CCSER1: variants seen among roughly 807,000 people sequenced by gnomAD.
CCSER1 encodes serine-rich coiled-coil domain-containing protein 1.
A neutral mutation model predicts 82.0 loss-of-function variants in CCSER1; 41 were observed. The observed-to-expected ratio is 0.50, with a 90% CI of 0.39 to 0.65. CCSER1 has a LOEUF of 0.65. Among genes scored for constraint, CCSER1 ranks in the 30% least tolerant of loss-of-function variants. The pLI is 0.00. For missense variants in CCSER1, 1,119 were observed against 1,064.2 expected (o/e 1.05, Z -0.72); for synonymous variants, 414 against 383.9 (o/e 1.08, Z -0.92).
chr4:91,142,603 C>A (rs1485585921), intron 10 of CCSER1, among the ~76,000 whole-genome samples: 2 of 152,134 alleles, frequency 1.3e-5, no homozygotes, highest in Non-Finnish European at 2.9e-5. Flanking sequence ...CAAGGTCCTG[C>A]TTTTAAATCT....
chr4:91,286,777 A>G (rs2149211765), intron 10 of CCSER1, among the ~76,000 whole-genome samples: 1 of 152,028 alleles, frequency 6.6e-6, no homozygotes, highest in Admixed American at 6.6e-5. Context: ...TGTGTTCTCT[A>G]GAAAAAAATA....
At chr4:90,278,666 G>A (rs1411465971) in intron 1 of CCSER1, among the ~76,000 whole-genome samples, 2 of 151,648 alleles carry the variant, frequency 1.3e-5, no homozygotes, top group Non-Finnish European at 2.9e-5. Flanking sequence ...AGACATTGAG[G>A]ACCACTAGAA....
At chr4:90,894,736 A>G (rs1247660238) in intron 8 of CCSER1, among the ~76,000 whole-genome samples, 4 of 151,592 alleles carry the variant, frequency 2.6e-5, no homozygotes, top group South Asian at 2.1e-4. Flanking sequence ...ACCATTTCTC[A>G]TACTTACAAG....
intron 5 of CCSER1, among the ~76,000 whole-genome samples, chr4:90,595,395 T>G (rs1783211589): frequency 2.0e-5 from 3 of 152,002 alleles, no homozygotes; most frequent in Admixed American, 2.0e-4. Flanking sequence ...GTTAAATCAC[T>G]CAGGCAAAAT....
intron 3 of CCSER1, among the ~76,000 whole-genome samples, chr4:90,338,222 A>C (rs1561054266): frequency 6.6e-6 from 1 of 152,118 alleles, no homozygotes; most frequent in Non-Finnish European, 1.5e-5. Context: ...CTTTCTACCT[A>C]TTCCTGAATG....
chr4:90,282,112 T>C (rs1728969607), intron 1 of CCSER1, among the ~76,000 whole-genome samples: 1 of 152,010 alleles, frequency 6.6e-6, no homozygotes, highest in Admixed American at 6.6e-5. Flanking sequence ...AAGAACCATA[T>C]GGTATCTTGG....
At chr4:91,015,158 A>G (rs1038883686) in intron 9 of CCSER1, among the ~76,000 whole-genome samples, 11 of 152,092 alleles carry the variant, frequency 7.2e-5, no homozygotes, top group African/African-American at 2.2e-4. Flanking sequence ...TGTGAGTATA[A>G]TAACATTGCA....
At chr4:91,423,754 C>T (rs942577424) in intron 10 of CCSER1, among the ~76,000 whole-genome samples, 1 of 152,044 alleles carries the variant, frequency 6.6e-6, no homozygotes, top group African/African-American at 2.4e-5. Context: ...CTGGTCATCT[C>T]CTTCAAAGAA....
At chr4:91,271,738 A>G (rs1222369655) in intron 10 of CCSER1, among the ~76,000 whole-genome samples, 1 of 151,884 alleles carries the variant, frequency 6.6e-6, no homozygotes, top group Non-Finnish European at 1.5e-5. Context: ...TATGATACAC[A>G]TATATATATC....
rs140041420 is a variant in CCSER1 at position 90,130,355 on chromosome 4, A to G, written c.-42+2524A>G. Among the ~76,000 whole-genome samples, 1,198 of 152,322 alleles carry G rather than the reference A, an allele frequency of 7.9e-3. 31 individuals are homozygous for G. The highest frequency in any genetic ancestry group is 0.051 in the Admixed American group (780 of 15,294). On this transcript the variant is annotated intron_variant, in intron 1 of 10. Transcript: ENST00000509176. ...AATGAGTACTACAGGAGTTCAGAAC[A>G]TGACAATAACATTTCATACTGGATT...
At chr4:90,800,206 C>T (rs930913106) in intron 7 of CCSER1, among the ~76,000 whole-genome samples, 1 of 152,180 alleles carries the variant, frequency 6.6e-6, no homozygotes, top group Non-Finnish European at 1.5e-5. Flanking sequence ...AGTAAGCATG[C>T]TTCATAACAG....
chr4:90,133,021 A>G (rs1723068382), intron 1 of CCSER1, among the ~76,000 whole-genome samples: 1 of 152,174 alleles, frequency 6.6e-6, no homozygotes, highest in Non-Finnish European at 1.5e-5. Flanking sequence ...GAGCCCCACC[A>G]CAGACTGATT....
intron 10 of CCSER1, among the ~76,000 whole-genome samples, chr4:91,549,925 CTTT>C (rs35257135): frequency 6.8e-6 from 1 of 147,600 alleles, no homozygotes; most frequent in South Asian, 2.1e-4. Flanking sequence ...GTCATTGCTG[CTTT>C]TTTTTTTTCC....
At chr4:91,504,035 T>C (rs1350323585) in intron 10 of CCSER1, among the ~76,000 whole-genome samples, 4 of 152,182 alleles carry the variant, frequency 2.6e-5, no homozygotes, top group Non-Finnish European at 4.4e-5. Context: ...TATTTACTTA[T>C]CAATAGAAAT....
rs368461775 is a variant in CCSER1 at position 91,371,853 on chromosome 4, C to T, written c.2218-226719C>T. Among the ~76,000 whole-genome samples the T allele has an allele frequency of 9.2e-3, 1,397 of 152,126 alleles. 14 individuals carry two copies. The highest frequency in any genetic ancestry group is 0.029 in the African/African-American group (1,211 of 41,504). On this transcript the variant is annotated intron_variant, in intron 10 of 10. Coordinates refer to ENST00000509176, the MANE Select transcript of CCSER1 (RefSeq NM_001145065.2). ...GGACCTAGGTGATGAGCTTTCTACC[C>T]TAGGACCTAGGGCTGAGCTTTCTGA... is the stretch of plus-strand genomic sequence containing the variant.
chr4:91,331,139 A>C (rs760546449), intron 10 of CCSER1, among the ~76,000 whole-genome samples: 22 of 152,088 alleles, frequency 1.4e-4, no homozygotes, highest in Non-Finnish European at 2.5e-4. Flanking sequence ...GAATGTTGGA[A>C]ATGGAAAGTA....
intron 5 of CCSER1, among the ~76,000 whole-genome samples, chr4:90,480,083 A>T (rs1765704843): frequency 6.6e-6 from 1 of 152,136 alleles, no homozygotes; most frequent in Non-Finnish European, 1.5e-5. Context: ...CTGGTGTGAG[A>T]TGGTATCTCA....
intron 5 of CCSER1, among the ~76,000 whole-genome samples, chr4:90,566,672 G>C (rs1579199711): frequency 6.7e-6 from 1 of 150,174 alleles, no homozygotes; most frequent in South Asian, 2.1e-4. Context: ...GCGCAATCTC[G>C]GCTCACTGCA....
chr4:90,501,386 G>C (rs1395077950), intron 5 of CCSER1, among the ~76,000 whole-genome samples: 1 of 151,970 alleles, frequency 6.6e-6, no homozygotes, highest in Non-Finnish European at 1.5e-5. Context: ...GTTGATCTAG[G>C]GGTGATAAAC....
Sources: allele counts gnomAD v4.1 joint callset (sites outside exome capture counted in the v4.1 genomes callset), GRCh38; gene constraint gnomAD v4.1.1; transcripts MANE v1.5; gene names NCBI Gene and HGNC (gene_info 2026-07-23, HGNC 2026-07-21).